The following NRXN1 variants were observed in gnomAD, a reference collection of about 807,000 sequenced individuals.
The protein encoded by NRXN1 is neurexin 1, also known as neurexin-1.
In NRXN1, 39 loss-of-function variants were observed where a neutral mutation model predicts 150.9. The observed-to-expected ratio is 0.26, with a 90% CI of 0.20 to 0.34. NRXN1 has a LOEUF of 0.34. NRXN1 is among the 10% of genes least tolerant of loss of function. NRXN1 has a pLI of 1.00. For synonymous variants in NRXN1, 924 were observed against 757.0 expected (o/e 1.22, Z -3.62); for missense variants, 1,815 against 1,949.9 (o/e 0.93, Z 1.30).
intron 5 of NRXN1, among the ~76,000 whole-genome samples, chr2:50,709,762 T>A (rs1181998566): frequency 6.6e-6 from 1 of 152,158 alleles, no homozygotes; most frequent in South Asian, 2.1e-4. Context: ...GAATGAACTA[T>A]TCATTGGTTC....
At chr2:50,899,476 G>T (rs1461955745) in intron 5 of NRXN1, among the ~76,000 whole-genome samples, 1 of 152,076 alleles carries the variant, frequency 6.6e-6, no homozygotes, top group Non-Finnish European at 1.5e-5. Flanking sequence ...CTTCTCTCCA[G>T]ACAAGGATTA....
At chr2:50,697,459 A>AG (rs1397472969) in intron 5 of NRXN1, among the ~76,000 whole-genome samples, 4 of 152,192 alleles carry the variant, frequency 2.6e-5, no homozygotes, top group Admixed American at 2.0e-4. Flanking sequence ...GGTCAGATAG[A>AG]GAAATGGATT....
Position 50,346,719 on chromosome 2 carries a change from C to G in NRXN1, c.3365-109749G>C, listed in dbSNP as rs766833035. On this transcript the variant is annotated intron_variant, in intron 17 of 22. Transcript: ENST00000401669. The surrounding 1 kb of genome is among the most constrained non-coding windows in gnomAD (Gnocchi z 5.0). The stretch of plus-strand genomic sequence containing the variant: ...GTCCGCCTCGCAAGGATGCCGGTGA[C>G]CTGTAGATTGCAATAGGCACTGAAT... 3 of 1,613,802 alleles carry G rather than the reference C, an allele frequency of 1.9e-6. No individual in the cohort carries two copies. Among genetic ancestry groups the G allele is most frequent in the Non-Finnish European group, 2.5e-6 (3 of 1,179,894 alleles).
chr2:50,366,206 G>A (rs1214874639), intron 17 of NRXN1, among the ~76,000 whole-genome samples: 1 of 147,286 alleles, frequency 6.8e-6, no homozygotes, highest in Non-Finnish European at 1.5e-5. Flanking sequence ...GTTAGAGAAT[G>A]CAACGTATGT....
At chr2:50,395,515 T>C (rs765920197) in intron 17 of NRXN1, among the ~76,000 whole-genome samples, 33 of 151,902 alleles carry the variant, frequency 2.2e-4, no homozygotes, top group Non-Finnish European at 3.7e-4. Flanking sequence ...TCAAAGCAGG[T>C]CCTTTATATG....
Position 51,030,535 on chromosome 2 carries a change from A to AACACAC in NRXN1, c.-921-1347_-921-1342dup, listed in dbSNP as rs57434663. ...ATTGATGACTGGTTCTCTCTCTTTC[A>AACACAC]ACACACACACACACACACACACACA... On this transcript the variant is annotated intron_variant, in intron 1 of 22. Coordinates refer to ENST00000401669, the MANE Select transcript of NRXN1 (RefSeq NM_001330078.2). Among the ~76,000 whole-genome samples the AACACAC allele has an allele frequency of 2.1e-3, 298 of 145,346 alleles. 1 individual carries two copies. The highest frequency in any genetic ancestry group is 4.6e-3 in the African/African-American group (182 of 39,194).
rs1574029628 is a variant in NRXN1 at position 50,122,002 on chromosome 2, C to G, written c.3547-30508G>C. ...TCTCCTCATGTACAAAAATATATTT[C>G]AAGAGAAAGTAGTATAGTTACTGCG... On this transcript the variant is annotated intron_variant, in intron 18 of 22. Transcript: ENST00000401669. Among the ~76,000 whole-genome samples, 4 of 152,278 alleles carry G rather than the reference C, an allele frequency of 2.6e-5. 1 individual carries two copies. Among genetic ancestry groups the G allele is most frequent in the Admixed American group, 2.6e-4 (4 of 15,298 alleles).
intron 17 of NRXN1, among the ~76,000 whole-genome samples, chr2:50,300,482 A>T (rs2074045856): frequency 6.6e-6 from 1 of 152,178 alleles, no homozygotes; most frequent in East Asian, 1.9e-4. Flanking sequence ...TGTCCCATTA[A>T]TAAGCTTTCT....
intron 18 of NRXN1, among the ~76,000 whole-genome samples, chr2:50,176,754 A>T (rs1249700187): frequency 6.6e-6 from 1 of 152,084 alleles, no homozygotes; most frequent in Non-Finnish European, 1.5e-5. Flanking sequence ...CAATATCAAA[A>T]ATTGGGGACC....
chr2:50,130,377 A>G (rs975471999), intron 18 of NRXN1, among the ~76,000 whole-genome samples: 6 of 152,160 alleles, frequency 3.9e-5, no homozygotes, highest in African/African-American at 1.4e-4. Context: ...TCCTCTTCTC[A>G]GAAGGAATCA....
chr2:50,116,965 T>C (rs1703157715), intron 18 of NRXN1, among the ~76,000 whole-genome samples: 2 of 152,114 alleles, frequency 1.3e-5, no homozygotes, highest in Admixed American at 6.6e-5. Context: ...TAGTGGGGTG[T>C]TACAGGGAGC....
At chr2:50,000,865 G>A (rs1021172111) in intron 21 of NRXN1, among the ~76,000 whole-genome samples, 19 of 152,108 alleles carry the variant, frequency 1.2e-4, no homozygotes, top group Non-Finnish European at 7.3e-5. Flanking sequence ...GCTGAGATGC[G>A]GTGCAGACAG....
intron 2 of NRXN1, among the ~76,000 whole-genome samples, chr2:50,944,323 G>T (rs1459338561): frequency 1.3e-5 from 2 of 152,074 alleles, no homozygotes; most frequent in African/African-American, 4.8e-5. Flanking sequence ...GAAACTCGGG[G>T]TCTCCAACAC....
rs1384780489 is a variant in NRXN1 at position 51,024,699 on chromosome 2, A to G, written c.772+2803T>C. 2.0e-5 allele frequency among the ~76,000 whole-genome samples: 3 copies of G among 152,168 alleles called. No homozygotes were observed. In the East Asian group the frequency reaches 5.8e-4, roughly 29 times the overall value. ...GAGATAATATTTTTATTATCTTATT[A>G]TAGTCTTACTTTTTAGTAGTTCTTA... On this transcript the variant is annotated intron_variant, in intron 2 of 22. Coordinates refer to ENST00000401669, the MANE Select transcript of NRXN1 (RefSeq NM_001330078.2).
chr2:50,369,998 T>A (rs1243306625), intron 17 of NRXN1, among the ~76,000 whole-genome samples: 1 of 152,060 alleles, frequency 6.6e-6, no homozygotes, highest in Non-Finnish European at 1.5e-5. Context: ...ATGTATCTCT[T>A]CATAAAAGAA....
chr2:49,964,408 G>A (rs933151121), intron 21 of NRXN1, among the ~76,000 whole-genome samples: 1 of 151,292 alleles, frequency 6.6e-6, no homozygotes, highest in African/African-American at 2.4e-5. Flanking sequence ...GTGAAACCCC[G>A]CCTCTACTAA....
chr2:51,026,793 C>T (rs761602405), intron 2 of NRXN1, among the ~76,000 whole-genome samples: 4 of 152,170 alleles, frequency 2.6e-5, no homozygotes, highest in Non-Finnish European at 4.4e-5. Flanking sequence ...GCATAAATGA[C>T]AAAATTTTAC....
intron 5 of NRXN1, among the ~76,000 whole-genome samples, chr2:50,888,896 A>G (rs1438675648): frequency 6.6e-6 from 1 of 151,666 alleles, no homozygotes; most frequent in East Asian, 1.9e-4. Flanking sequence ...ACCTGTTCAA[A>G]GATTTTGCTT....
chr2:51,009,859 C>G (rs960459552), intron 2 of NRXN1, among the ~76,000 whole-genome samples: 2 of 151,810 alleles, frequency 1.3e-5, no homozygotes, highest in Non-Finnish European at 2.9e-5. Context: ...GACCCTGCAT[C>G]TTGTTAGGAT....
Sources: gnomAD v4.1 joint callset for allele counts (sites outside exome capture counted in the v4.1 genomes callset) on GRCh38, gnomAD v4.1.1 for gene constraint, Gnocchi (gnomAD v3.1) non-coding constraint, MANE v1.5 for transcripts, NCBI Gene and HGNC (gene_info 2026-07-23, HGNC 2026-07-21) for gene names.